CTNNA2: variants seen among roughly 807,000 people sequenced by gnomAD.
The protein encoded by CTNNA2 is catenin alpha 2, also known as catenin alpha-2.
CTNNA2 carries 42 observed loss-of-function variants against 101.0 expected under a neutral mutation model. The observed-to-expected ratio is 0.42, with a 90% CI of 0.32 to 0.54. The LOEUF is 0.54. Ranked by LOEUF, CTNNA2 falls within the 20% of genes least tolerant of loss-of-function variation. CTNNA2 has a pLI of 0.14. For synonymous variants in CTNNA2, 450 were observed against 456.4 expected, an observed-to-expected ratio of 0.99 and a Z score of 0.18; for missense variants, 871 against 1,223.1, an observed-to-expected ratio of 0.71 and a Z score of 4.29.
chr2:79,968,687 A>G (rs1426932388), intron 7 of CTNNA2, among the ~76,000 whole-genome samples: 2 of 152,142 alleles, frequency 1.3e-5, no homozygotes, highest in African/African-American at 4.8e-5. Context: ...CAATCCCCCC[A>G]CACAAAATAA....
At chr2:80,037,786 T>TA (rs1402091251) in intron 7 of CTNNA2, among the ~76,000 whole-genome samples, 2 of 152,056 alleles carry the variant, frequency 1.3e-5, no homozygotes, top group African/African-American at 2.4e-5. Flanking sequence ...ATTCTGTAAC[T>TA]AAAAAAAATT....
chr2:79,748,534 T>A (rs1671790917), intron 3 of CTNNA2, among the ~76,000 whole-genome samples: 1 of 152,210 alleles, frequency 6.6e-6, no homozygotes, highest in Admixed American at 6.5e-5. Flanking sequence ...TGTCACTTTT[T>A]GTTTTCAGCA....
chr2:80,469,422 C>T (rs1685113247), intron 9 of CTNNA2, among the ~76,000 whole-genome samples: 1 of 152,182 alleles, frequency 6.6e-6, no homozygotes, highest in Non-Finnish European at 1.5e-5. Context: ...ACAGACTTTT[C>T]CAGCTGGGAA....
chr2:79,793,886 ATG>A lies in CTNNA2; in HGVS notation c.298+49305_298+49306del, dbSNP rs979700091. Reference sequence around the variant, plus strand: ...CCCAATACCACACACACACACACTCATGCACACACACACACACACACACACAC... The same window carrying A: ...CCCAATACCACACACACACACACTCACACACACACACACACACACACACAC... On this transcript the variant is annotated intron_variant, in intron 3 of 18. Transcript: ENST00000402739. Among the ~76,000 whole-genome samples the A allele has an allele frequency of 1.6e-3, 191 of 121,978 alleles. 1 individual carries two copies. The highest frequency in any genetic ancestry group is 6.7e-3 in the African/African-American group (169 of 25,218). 80.0% of individuals were successfully genotyped at this position (121,978 alleles called of 152,430 possible).
intron 1 of CTNNA2, chr2:79,195,749 C>A: frequency 2.1e-6 from 1 of 473,158 alleles, no homozygotes; most frequent in South Asian, 1.5e-5. Flanking sequence ...TGTGTCATAT[C>A]ATCTGAAAAA....
chr2:80,245,864 G>A (rs1292394625), intron 7 of CTNNA2, among the ~76,000 whole-genome samples: 4 of 128,184 alleles, frequency 3.1e-5, no homozygotes, highest in African/African-American at 3.0e-5. Flanking sequence ...GCTCAATCTC[G>A]GCTCACTGCA....
intron 13 of CTNNA2, among the ~76,000 whole-genome samples, chr2:80,578,538 G>A (rs1695259738): frequency 6.6e-6 from 1 of 152,160 alleles, no homozygotes; most frequent in African/African-American, 2.4e-5. Flanking sequence ...AATGCCACGA[G>A]TAGGAGACAC....
chr2:79,749,958 TAG>T (rs1671905339), intron 3 of CTNNA2, among the ~76,000 whole-genome samples: 1 of 152,210 alleles, frequency 6.6e-6, no homozygotes, highest in Non-Finnish European at 1.5e-5. Flanking sequence ...AGCAGGATGC[TAG>T]AGAGCTGAAT....
intron 2 of CTNNA2, among the ~76,000 whole-genome samples, chr2:79,292,211 T>C (rs549843253): frequency 1.3e-5 from 2 of 152,334 alleles, no homozygotes; most frequent in African/African-American, 4.8e-5. Context: ...CCTCCATAAA[T>C]CATTTCTCCT....
intron 13 of CTNNA2, among the ~76,000 whole-genome samples, chr2:80,575,529 A>T (rs915001875): frequency 1.3e-5 from 2 of 152,100 alleles, no homozygotes; most frequent in African/African-American, 4.8e-5. Context: ...GCAAGGAAAG[A>T]TAGTCAGCCT....
chr2:79,384,031 G>A (rs549356538), intron 4 of CTNNA2, among the ~76,000 whole-genome samples: 23 of 152,240 alleles, frequency 1.5e-4, no homozygotes, highest in African/African-American at 5.5e-4. Flanking sequence ...GAAATTGGAT[G>A]GTGCTTACAG....
intron 2 of CTNNA2, among the ~76,000 whole-genome samples, chr2:79,738,218 C>G (rs530607072): frequency 6.6e-6 from 1 of 152,254 alleles, no homozygotes; most frequent in Admixed American, 6.5e-5. Context: ...TTCCACTGGC[C>G]AGTGTTCCTG....
chr2:80,412,282 T>C (rs1559087775), intron 8 of CTNNA2, among the ~76,000 whole-genome samples: 1 of 152,252 alleles, frequency 6.6e-6, no homozygotes, highest in Non-Finnish European at 1.5e-5. Context: ...AAGTACCTGT[T>C]ACTGTCCTTC....
intron 4 of CTNNA2, among the ~76,000 whole-genome samples, chr2:79,450,281 A>G (rs1461214685): frequency 6.6e-6 from 1 of 152,148 alleles, no homozygotes; most frequent in East Asian, 1.9e-4. Context: ...GTCAGATTCA[A>G]CATTAAAGAA....
At chr2:79,194,236 C>G (rs558836770) in intron 1 of CTNNA2, among the ~76,000 whole-genome samples, 1 of 152,250 alleles carries the variant, frequency 6.6e-6, no homozygotes, top group East Asian at 1.9e-4. Flanking sequence ...GTGAATAAAA[C>G]TGTTGGTGGA....
intron 2 of CTNNA2, among the ~76,000 whole-genome samples, chr2:79,297,215 C>G (rs571511797): frequency 7.2e-5 from 11 of 152,012 alleles, no homozygotes; most frequent in Admixed American, 6.6e-4. Context: ...TTGACAACAA[C>G]CTGTCCTCAG....
At chr2:80,606,364 TCAAA>T (rs1338751770) in intron 16 of CTNNA2, among the ~76,000 whole-genome samples, 2 of 101,876 alleles carry the variant, frequency 2.0e-5, no homozygotes, top group Non-Finnish European at 3.9e-5. Context: ...GAAAAACACA[TCAAA>T]CACACACACA....
intron 1 of CTNNA2, among the ~76,000 whole-genome samples, chr2:79,600,690 T>C (rs1677496695): frequency 6.6e-6 from 1 of 152,230 alleles, no homozygotes; most frequent in Non-Finnish European, 1.5e-5. Flanking sequence ...TTTGGGCTCC[T>C]ATGACAGAAT....
At chr2:79,347,726 A>G (rs1430817791) in intron 3 of CTNNA2, among the ~76,000 whole-genome samples, 1 of 151,028 alleles carries the variant, frequency 6.6e-6, no homozygotes, top group Non-Finnish European at 1.5e-5. Flanking sequence ...ACTACATCTG[A>G]CCACTCTAAA....
Sources: allele counts gnomAD v4.1 joint callset (sites outside exome capture counted in the v4.1 genomes callset), GRCh38; gene constraint gnomAD v4.1.1; transcripts MANE v1.5; gene names NCBI Gene and HGNC (gene_info 2026-07-23, HGNC 2026-07-21).